BABAM2: variants seen among roughly 807,000 people sequenced by gnomAD.
The protein encoded by BABAM2 is BRISC and BRCA1 A complex member 2, also known as BRISC and BRCA1-A complex member 2.
Under a neutral mutation model 54.7 loss-of-function variants are expected in BABAM2, and 31 were observed. That is an observed-to-expected ratio of 0.57 (90% CI 0.43 to 0.77). The LOEUF is 0.77. Ranked by LOEUF, BABAM2 falls within the 30% of genes least tolerant of loss-of-function variation. BABAM2 has a pLI of 0.00. For missense variants in BABAM2, 364 were observed against 455.8 expected (o/e 0.80, Z 1.83); for synonymous variants, 167 against 162.9 (o/e 1.03, Z -0.19).
chr2:27,927,199 A>G (rs912626992), intron 2 of BABAM2, among the ~76,000 whole-genome samples: 11 of 152,218 alleles, frequency 7.2e-5, no homozygotes, highest in African/African-American at 2.4e-4. Flanking sequence ...TGGTTAAAGT[A>G]TATAATAAAA....
intron 6 of BABAM2, among the ~76,000 whole-genome samples, chr2:28,047,786 G>A (rs1558685652): frequency 6.6e-6 from 1 of 152,090 alleles, no homozygotes; most frequent in African/African-American, 2.4e-5. Context: ...GATCTTTAAA[G>A]TTCATGCAAA....
intron 6 of BABAM2, among the ~76,000 whole-genome samples, chr2:28,061,574 G>A (rs2148641141): frequency 8.1e-6 from 1 of 123,968 alleles, no homozygotes; most frequent in East Asian, 2.3e-4. Context: ...AACAGAGTGA[G>A]ACTCTGTCTC....
intron 6 of BABAM2, among the ~76,000 whole-genome samples, chr2:28,090,277 G>A (rs1666047342): frequency 1.3e-5 from 2 of 152,018 alleles, no homozygotes; most frequent in South Asian, 2.1e-4. Context: ...ATGGAGTCTC[G>A]CTCCGTCGCC....
intron 3 of BABAM2, among the ~76,000 whole-genome samples, chr2:27,962,344 G>A (rs1670532319): frequency 6.6e-6 from 1 of 152,064 alleles, no homozygotes; most frequent in African/African-American, 2.4e-5. Flanking sequence ...AGCTTCAAGG[G>A]ATCCTCCTGG....
intron 3 of BABAM2, among the ~76,000 whole-genome samples, chr2:27,934,551 T>C (rs929490634): frequency 2.6e-5 from 4 of 152,184 alleles, no homozygotes; most frequent in African/African-American, 9.7e-5. Flanking sequence ...TCACTTTAAA[T>C]CAAAAGCTAG....
intron 2 of BABAM2, among the ~76,000 whole-genome samples, chr2:27,906,690 T>G (rs1398157095): frequency 6.6e-6 from 1 of 152,104 alleles, no homozygotes; most frequent in Non-Finnish European, 1.5e-5. Flanking sequence ...GTGACTTCAT[T>G]TGGTATGGAG....
chr2:28,086,092 T>A (rs1665616430), intron 6 of BABAM2, among the ~76,000 whole-genome samples: 1 of 152,194 alleles, frequency 6.6e-6, no homozygotes, highest in Non-Finnish European at 1.5e-5. Flanking sequence ...AATTAGTCAA[T>A]TTTCAAATGA....
At chr2:28,067,107 T>G (rs1663670802) in intron 6 of BABAM2, among the ~76,000 whole-genome samples, 3 of 152,094 alleles carry the variant, frequency 2.0e-5, no homozygotes, top group Non-Finnish European at 2.9e-5. Flanking sequence ...AATTTTTGTA[T>G]TTTTAGTAGA....
chr2:27,905,957 A>C (rs1412296589), intron 2 of BABAM2, among the ~76,000 whole-genome samples: 1 of 152,252 alleles, frequency 6.6e-6, no homozygotes, highest in East Asian at 1.9e-4. Context: ...CTGTTTTAGC[A>C]GATAGAACTT....
At chr2:28,223,612 G>A (rs761459003) in intron 7 of BABAM2, among the ~76,000 whole-genome samples, 9 of 152,206 alleles carry the variant, frequency 5.9e-5, no homozygotes, top group Non-Finnish European at 1.2e-4. Context: ...GGGACAGGAA[G>A]ATCAATGGGC....
intron 3 of BABAM2, among the ~76,000 whole-genome samples, chr2:27,949,152 C>G (rs559324808): frequency 2.6e-5 from 4 of 152,272 alleles, no homozygotes; most frequent in African/African-American, 9.6e-5. Context: ...AGAAGGAAGG[C>G]GAGTACATTG....
intron 10 of BABAM2, among the ~76,000 whole-genome samples, chr2:28,263,956 A>G (rs531362761): frequency 1.2e-4 from 18 of 152,228 alleles, no homozygotes; most frequent in Admixed American, 2.0e-4. Context: ...AGGCAAGCCT[A>G]GTGAAGATAA....
At chr2:28,026,807 T>A (rs1170558430) in intron 5 of BABAM2, among the ~76,000 whole-genome samples, 7 of 96,148 alleles carry the variant, frequency 7.3e-5, no homozygotes, top group South Asian at 2.6e-4. Context: ...ATATAAAAAA[T>A]ATATAAATAT....
intron 6 of BABAM2, among the ~76,000 whole-genome samples, chr2:28,054,757 T>C (rs1678267609): frequency 6.6e-6 from 1 of 152,178 alleles, no homozygotes; most frequent in South Asian, 2.1e-4. Flanking sequence ...GTTTATAGTA[T>C]TTTGTTAGCT....
upstream of BABAM2, chr2:27,890,198 T>C (rs1474382115): frequency 1.6e-5 from 24 of 1,538,584 alleles, no homozygotes; most frequent in East Asian, 9.1e-5. The surrounding 1 kb of genome is among the most constrained non-coding windows in gnomAD (Gnocchi z 4.8). Flanking sequence ...ACTGGGCGCA[T>C]AGCGCACGGC....
At chr2:27,907,061 A>G (rs1666233495) in intron 2 of BABAM2, among the ~76,000 whole-genome samples, 1 of 152,134 alleles carries the variant, frequency 6.6e-6, no homozygotes. Context: ...AGAAATGTAG[A>G]ACAGCCTCTT....
chr2:28,055,728 G>A (rs1163160853), intron 6 of BABAM2, among the ~76,000 whole-genome samples: 1 of 152,146 alleles, frequency 6.6e-6, no homozygotes, highest in Non-Finnish European at 1.5e-5. Context: ...TACCAGTAAT[G>A]CCTCTTCTGG....
intron 6 of BABAM2, among the ~76,000 whole-genome samples, chr2:28,117,962 C>T (rs969666537): frequency 6.6e-6 from 1 of 152,132 alleles, no homozygotes; most frequent in African/African-American, 2.4e-5. Flanking sequence ...GTTATGGAGA[C>T]GTATTAAGGA....
chr2:28,259,066 C>T (rs544756472), intron 10 of BABAM2, among the ~76,000 whole-genome samples: 2 of 124,000 alleles, frequency 1.6e-5, no homozygotes, highest in Admixed American at 1.9e-4. Context: ...TCAGCCACTG[C>T]ACCTGGCCTT....
Sources: allele counts gnomAD v4.1 joint callset (sites outside exome capture counted in the v4.1 genomes callset), GRCh38; gene constraint gnomAD v4.1.1; non-coding constraint Gnocchi (gnomAD v3.1); transcripts MANE v1.5; gene names NCBI Gene and HGNC (gene_info 2026-07-23, HGNC 2026-07-21).